POFUT3: variants seen among roughly 807,000 people sequenced by gnomAD.
POFUT3 encodes protein O-fucosyltransferase 3.
chr8:33,329,175 A>G, the POFUT3 span, among the ~76,000 whole-genome samples: 3 of 152,140 alleles, frequency 2.0e-5, no homozygotes, highest in Non-Finnish European at 4.4e-5. Context: ...TTTCCCAATC[A>G]ATTTCTTTCT....
chr8:33,398,807 T>C, the POFUT3 span, among the ~76,000 whole-genome samples: 1 of 152,242 alleles, frequency 6.6e-6, no homozygotes, highest in Non-Finnish European at 1.5e-5. Context: ...TCATCTGTAT[T>C]TTCTTCTCTT....
the POFUT3 span, among the ~76,000 whole-genome samples, chr8:33,361,847 C>A: frequency 1.3e-5 from 2 of 152,076 alleles, no homozygotes; most frequent in Non-Finnish European, 2.9e-5. Context: ...AAAACCAAGA[C>A]TTCTTTTCAC....
the POFUT3 span, among the ~76,000 whole-genome samples, chr8:33,381,298 T>C: frequency 1.3e-5 from 2 of 152,234 alleles, no homozygotes; most frequent in Non-Finnish European, 2.9e-5. Context: ...ATCTTGTCTT[T>C]TAGTCTTTCG....
chr8:33,469,123 T>C, the POFUT3 span, among the ~76,000 whole-genome samples: 1 of 152,020 alleles, frequency 6.6e-6, no homozygotes, highest in Non-Finnish European at 1.5e-5. Flanking sequence ...CTGGCCAACA[T>C]GACAAAACCC....
chr8:33,426,986 T>C, the POFUT3 span, among the ~76,000 whole-genome samples: 1 of 152,164 alleles, frequency 6.6e-6, no homozygotes, highest in South Asian at 2.1e-4. Context: ...AGAGTACCAG[T>C]GACAGAGGGT....
At chr8:33,436,193 C>T in the POFUT3 span, 3 of 1,264,804 alleles carry the variant, frequency 2.4e-6, no homozygotes, top group Non-Finnish European at 2.2e-6. Flanking sequence ...ACTGAATGCA[C>T]CAAGCCGAGA....
the POFUT3 span, among the ~76,000 whole-genome samples, chr8:33,367,527 TC>T: frequency 0.35 from 53,063 of 151,964 alleles, 11,712 homozygotes; most frequent in African/African-American, 0.59. Context: ...ACCCCTGATT[TC>T]CCCACTTCAC....
At chr8:33,351,442 C>CG in the POFUT3 span, among the ~76,000 whole-genome samples, 4 of 151,922 alleles carry the variant, frequency 2.6e-5, no homozygotes, top group African/African-American at 9.7e-5. Flanking sequence ...GGGGAGTCGG[C>CG]GGGGGGCAGG....
the POFUT3 span, among the ~76,000 whole-genome samples, chr8:33,471,598 T>C: frequency 6.6e-6 from 1 of 152,208 alleles, no homozygotes; most frequent in Admixed American, 6.6e-5. Flanking sequence ...TGGAAATATC[T>C]GCCTACTGAA....
the POFUT3 span, among the ~76,000 whole-genome samples, chr8:33,427,589 CA>C: frequency 1.3e-5 from 2 of 150,458 alleles, no homozygotes; most frequent in Non-Finnish European, 3.0e-5. Context: ...CAAAAAAAAG[CA>C]AAAAATAAAA....
chr8:33,379,257 G>C, the POFUT3 span, among the ~76,000 whole-genome samples: 1 of 151,880 alleles, frequency 6.6e-6, no homozygotes, highest in Non-Finnish European at 1.5e-5. Flanking sequence ...TAAGCAGTGG[G>C]AAAATGGAGT....
the POFUT3 span, among the ~76,000 whole-genome samples, chr8:33,310,302 A>G: frequency 2.0e-5 from 3 of 152,334 alleles, no homozygotes; most frequent in East Asian, 5.8e-4. Context: ...GAAAAAGCTC[A>G]AAAACAAAAT....
At chr8:33,429,855 G>C in the POFUT3 span, among the ~76,000 whole-genome samples, 1 of 151,964 alleles carries the variant, frequency 6.6e-6, no homozygotes, top group African/African-American at 2.4e-5. Context: ...AATTAGCTGG[G>C]CATGGTGGTG....
the POFUT3 span, among the ~76,000 whole-genome samples, chr8:33,465,566 G>A: frequency 6.6e-6 from 1 of 152,046 alleles, no homozygotes; most frequent in African/African-American, 2.4e-5. Context: ...GAATTCAAGC[G>A]ATTCTCCTGC....
At chr8:33,390,317 A>C in the POFUT3 span, among the ~76,000 whole-genome samples, 1 of 152,096 alleles carries the variant, frequency 6.6e-6, no homozygotes, top group East Asian at 1.9e-4. Context: ...ATCACCAAAG[A>C]GGGGGACTAT....
At chr8:33,367,104 A>C in the POFUT3 span, among the ~76,000 whole-genome samples, 2 of 152,242 alleles carry the variant, frequency 1.3e-5, no homozygotes, top group Admixed American at 1.3e-4. Context: ...TAAATAAATA[A>C]ATGTTGGGAA....
the POFUT3 span, among the ~76,000 whole-genome samples, chr8:33,353,013 G>A: frequency 6.6e-6 from 1 of 152,212 alleles, no homozygotes; most frequent in Non-Finnish European, 1.5e-5. Flanking sequence ...TAATTGGGAA[G>A]CAGCATGCCC....
the POFUT3 span, among the ~76,000 whole-genome samples, chr8:33,322,252 G>A: frequency 6.6e-6 from 1 of 152,076 alleles, no homozygotes; most frequent in African/African-American, 2.4e-5. Context: ...CACTTTTTCT[G>A]CTGCAGCTCC....
At chr8:33,395,851 G>A in the POFUT3 span, among the ~76,000 whole-genome samples, 3 of 152,166 alleles carry the variant, frequency 2.0e-5, no homozygotes, top group African/African-American at 4.8e-5. Context: ...ACTCACCTGC[G>A]TGCTCCCCTT....
Sources: allele counts gnomAD v4.1 joint callset (sites outside exome capture counted in the v4.1 genomes callset), GRCh38; gene constraint gnomAD v4.1.1; transcripts MANE v1.5; gene names NCBI Gene and HGNC (gene_info 2026-07-23, HGNC 2026-07-21).